Variants in CNNM2 observed in about 807,000 individuals in gnomAD.
CNNM2 encodes the protein metal transporter CNNM2.
Under a neutral mutation model 66.9 loss-of-function variants are expected in CNNM2, and 12 were observed. That is an observed-to-expected ratio of 0.18 (90% CI 0.11 to 0.29). The LOEUF (loss-of-function observed/expected upper bound fraction) is 0.29. Among genes scored for constraint, CNNM2 ranks in the 10% least tolerant of loss-of-function variants. CNNM2 has a pLI of 1.00. For synonymous variants in CNNM2, 557 were observed against 501.8 expected, an observed-to-expected ratio of 1.11 and a Z score of -1.47; for missense variants, 705 against 1,167.7, an observed-to-expected ratio of 0.60 and a Z score of 5.77.
intron 1 of CNNM2, among the ~76,000 whole-genome samples, chr10:103,008,242 GTCAC>G (rs2134266240): frequency 6.6e-6 from 1 of 152,080 alleles, no homozygotes; most frequent in South Asian, 2.1e-4. Flanking sequence ...GTACCTCACT[GTCAC>G]TCAGGATCAA....
In CNNM2 at chr10:102,918,870, G is replaced by C. The variant is rs534061178; in HGVS notation, c.390G>C (p.Pro130=). The change falls in exon 1 of 8, where the codon CCG becomes CCC. Residue 130 remains proline (P), a synonymous_variant. Transcript: ENST00000369878. The surrounding 1 kb of genome is among the most constrained non-coding windows in gnomAD (Gnocchi z 4.1). ...FTEHERRRHS[P]GERGLGGPAP... is the part of the protein sequence containing the mutation. The stretch of plus-strand genomic sequence containing the variant: ...AGCACGAGCGGCGGCGCCACAGCCC[G>C]GGGGAGCGCGGGCTGGGGGGCCCCG... 12 of 1,607,464 alleles carry C rather than the reference G, an allele frequency of 7.5e-6. No individual in the cohort carries two copies. In the East Asian group the frequency reaches 2.5e-4, roughly 33 times the overall value.
rs765066497 is a variant in CNNM2 at position 103,077,192 on chromosome 10, T to TGCACCCGCCCAGGCCC, written c.*25_*40dup. On this transcript the variant is annotated 3_prime_UTR_variant, in exon 8 of 8. Coordinates refer to ENST00000369878, the MANE Select transcript of CNNM2 (RefSeq NM_017649.5). Reference sequence around the variant, plus strand: ...AAGGCGCCATCTAGGCCGCGCTGGCTGCACCCGCCCAGGCCCGCACCCGCC... The same window carrying TGCACCCGCCCAGGCCC: ...AAGGCGCCATCTAGGCCGCGCTGGCTGCACCCGCCCAGGCCCGCACCCGCCCAGGCCCGCACCCGCC... 3.1e-6 allele frequency: 5 copies of TGCACCCGCCCAGGCCC among 1,610,234 alleles called. No individual in the cohort carries two copies. The highest frequency in any genetic ancestry group is 2.2e-5 in the East Asian group (1 of 44,874).
At chr10:102,975,852 C>T (rs2063620779) in intron 1 of CNNM2, among the ~76,000 whole-genome samples, 1 of 152,082 alleles carries the variant, frequency 6.6e-6, no homozygotes, top group Non-Finnish European at 1.5e-5. Flanking sequence ...TTATAATTGG[C>T]CCCTCTGGAA....
At position 103,053,169 on chromosome 10, in the gene CNNM2, C is replaced by T. The variant is rs1013363174; in HGVS notation, c.1766-1160C>T. ...GTAAACCAAAGCCCATGGGTGCCTG[C>T]ACTCTGCTTCTGGTGACCTGCAAGC... On this transcript the variant is annotated intron_variant, in intron 2 of 7. Transcript: ENST00000369878. Among the ~76,000 whole-genome samples the T allele has an allele frequency of 1.5e-4, 23 of 152,190 alleles. 1 individual carries two copies. Among genetic ancestry groups the T allele is most frequent in the Admixed American group, 1.4e-3 (22 of 15,292 alleles).
intron 1 of CNNM2, among the ~76,000 whole-genome samples, chr10:102,932,239 C>T (rs80276763): frequency 3.3e-5 from 5 of 150,850 alleles, no homozygotes; most frequent in East Asian, 3.9e-4. Context: ...TTTTGAGCAA[C>T]GGGGTTTTGC....
At chr10:102,994,336 A>G (rs886917183) in intron 1 of CNNM2, among the ~76,000 whole-genome samples, 1 of 152,208 alleles carries the variant, frequency 6.6e-6, no homozygotes, top group Admixed American at 6.5e-5. Context: ...ACCATAAAGC[A>G]TTAAACACCA....
chr10:103,044,334 T>A (rs1239572847), intron 1 of CNNM2, among the ~76,000 whole-genome samples: 1 of 152,138 alleles, frequency 6.6e-6, no homozygotes, highest in East Asian at 1.9e-4. Flanking sequence ...CCCATGTGGA[T>A]CACTTGAGGC....
chr10:103,074,179 T>C lies in CNNM2; in HGVS notation c.2234-1907T>C, dbSNP rs576083251. ...GGTGCATGCCTATAATCCCAGCTAC[T>C]CAGGAGGCTGAGGCAAGAGAATTGC... On this transcript the variant is annotated intron_variant, in intron 6 of 7. Coordinates refer to ENST00000369878, the MANE Select transcript of CNNM2 (RefSeq NM_017649.5). Among the ~76,000 whole-genome samples the C allele has an allele frequency of 1.0e-3, 153 of 152,180 alleles. 1 individual carries two copies. The highest frequency in any genetic ancestry group is 3.6e-3 in the African/African-American group (150 of 41,528).
intron 1 of CNNM2, among the ~76,000 whole-genome samples, chr10:103,042,186 C>G (rs1015338259): frequency 3.3e-5 from 5 of 152,328 alleles, no homozygotes; most frequent in African/African-American, 1.2e-4. Context: ...ACCCGCTATC[C>G]AGTCCATCAG....
At chr10:103,051,730 ACT>A (rs572579000) in intron 2 of CNNM2, among the ~76,000 whole-genome samples, 86 of 152,028 alleles carry the variant, frequency 5.7e-4, no homozygotes, top group Admixed American at 4.7e-3. Context: ...ACAGAGTGAG[ACT>A]CTCTCAAAAT....
At chr10:103,070,309 C>T (rs1002038095) in intron 5 of CNNM2, among the ~76,000 whole-genome samples, 1 of 152,086 alleles carries the variant, frequency 6.6e-6, no homozygotes, top group East Asian at 1.9e-4. Flanking sequence ...ACAGGCAGGT[C>T]GTGTGGTGTT....
intron 1 of CNNM2, among the ~76,000 whole-genome samples, chr10:102,988,536 G>A: frequency 6.6e-6 from 1 of 152,108 alleles, no homozygotes. Flanking sequence ...ACAAAGTATA[G>A]ACCTTTTCCC....
chr10:102,971,805 A>T (rs976559066), intron 1 of CNNM2, among the ~76,000 whole-genome samples: 2 of 152,150 alleles, frequency 1.3e-5, no homozygotes, highest in African/African-American at 4.8e-5. Flanking sequence ...AACACTGGTT[A>T]TATTCATCTT....
intron 1 of CNNM2, among the ~76,000 whole-genome samples, chr10:102,943,983 C>A (rs1054929095): frequency 6.6e-6 from 1 of 152,002 alleles, no homozygotes; most frequent in African/African-American, 2.4e-5. Flanking sequence ...CTAAGGGATC[C>A]GTAAGTTTAC....
At chr10:103,049,347 C>T (rs1231623476) in intron 1 of CNNM2, among the ~76,000 whole-genome samples, 1 of 152,136 alleles carries the variant, frequency 6.6e-6, no homozygotes, top group African/African-American at 2.4e-5. Context: ...CCTCATGGAC[C>T]TCCTATAAGG....
At chr10:102,996,175 T>C (rs984876287) in intron 1 of CNNM2, among the ~76,000 whole-genome samples, 2 of 152,184 alleles carry the variant, frequency 1.3e-5, no homozygotes, top group African/African-American at 4.8e-5. Flanking sequence ...TTTTTGTTAG[T>C]CTTTCTAGAG....
intron 1 of CNNM2, among the ~76,000 whole-genome samples, chr10:102,926,461 A>G (rs1845863551): frequency 6.6e-6 from 1 of 152,178 alleles, no homozygotes; most frequent in Admixed American, 6.5e-5. Flanking sequence ...TTTAATTATT[A>G]GCAAATCTAA....
At chr10:103,046,998 C>T (rs2065137422) in intron 1 of CNNM2, among the ~76,000 whole-genome samples, 1 of 152,134 alleles carries the variant, frequency 6.6e-6, no homozygotes, top group Non-Finnish European at 1.5e-5. Flanking sequence ...CAGAAGAATA[C>T]TGAATAATAT....
intron 1 of CNNM2, among the ~76,000 whole-genome samples, chr10:102,998,873 G>A (rs942853518): frequency 6.6e-6 from 1 of 151,868 alleles, no homozygotes; most frequent in Admixed American, 6.6e-5. Flanking sequence ...AGGGTTGCAG[G>A]GTACAAGAGC....
Sources: allele counts gnomAD v4.1 joint callset (sites outside exome capture counted in the v4.1 genomes callset), GRCh38; gene constraint gnomAD v4.1.1; non-coding constraint Gnocchi (gnomAD v3.1); transcripts MANE v1.5; gene names NCBI Gene and HGNC (gene_info 2026-07-23, HGNC 2026-07-21).